DRC11: variants seen among roughly 807,000 people sequenced by gnomAD.
DRC11 encodes dynein regulatory complex subunit 11.
chr2:236,409,863 T>G, the DRC11 span, among the ~76,000 whole-genome samples: 2 of 152,236 alleles, frequency 1.3e-5, no homozygotes, highest in Non-Finnish European at 2.9e-5. Context: ...TCTATTGAGA[T>G]AATCATGTGG....
chr2:236,349,106 A>G, the DRC11 span, among the ~76,000 whole-genome samples: 4 of 152,020 alleles, frequency 2.6e-5, no homozygotes, highest in Admixed American at 6.5e-5. The surrounding 1 kb of genome is among the most constrained non-coding windows in gnomAD (Gnocchi z 5.5). Flanking sequence ...ACAACCCCAC[A>G]GTCTATTCAT....
chr2:236,413,860 G>A, the DRC11 span, among the ~76,000 whole-genome samples: 1 of 152,206 alleles, frequency 6.6e-6, no homozygotes, highest in Admixed American at 6.5e-5. This position sits in a 1 kb window ranked among gnomAD's most constrained non-coding sequence, Gnocchi z 4.0. Context: ...TGATTGCATA[G>A]TGCTCTATTA....
At chr2:236,348,060 C>T in the DRC11 span, among the ~76,000 whole-genome samples, 2 of 152,222 alleles carry the variant, frequency 1.3e-5, no homozygotes, top group East Asian at 3.9e-4. The surrounding 1 kb of genome is among the most constrained non-coding windows in gnomAD (Gnocchi z 7.4). Context: ...GGAACTCTCT[C>T]GTCTTCTCTC....
At chr2:236,473,443 A>G in the DRC11 span, among the ~76,000 whole-genome samples, 1 of 152,248 alleles carries the variant, frequency 6.6e-6, no homozygotes, top group Non-Finnish European at 1.5e-5. The surrounding 1 kb of genome is among the most constrained non-coding windows in gnomAD (Gnocchi z 4.8). Context: ...TCACGTTAGA[A>G]TGGGAAAGTG....
the DRC11 span, among the ~76,000 whole-genome samples, chr2:236,491,113 TATAC>T: frequency 8.2e-6 from 1 of 121,530 alleles, no homozygotes; most frequent in Admixed American, 8.9e-5. Context: ...TGTGTATATA[TATAC>T]AGTGTGTATA....
chr2:236,384,423 G>A, the DRC11 span, among the ~76,000 whole-genome samples: 5 of 152,266 alleles, frequency 3.3e-5, no homozygotes, highest in Admixed American at 6.5e-5. Flanking sequence ...CAGTGATGCT[G>A]AGCATTTTTT....
the DRC11 span, among the ~76,000 whole-genome samples, chr2:236,350,490 C>T: frequency 6.6e-6 from 1 of 152,256 alleles, no homozygotes; most frequent in East Asian, 1.9e-4. The surrounding 1 kb of genome is among the most constrained non-coding windows in gnomAD (Gnocchi z 5.2). Context: ...GCGTCCAGGA[C>T]ACCATTTGCA....
chr2:236,388,154 C>T, the DRC11 span, among the ~76,000 whole-genome samples: 1 of 152,004 alleles, frequency 6.6e-6, no homozygotes, highest in Non-Finnish European at 1.5e-5. Flanking sequence ...AGTTGCTCTT[C>T]TCGAGGAGTA....
the DRC11 span, among the ~76,000 whole-genome samples, chr2:236,410,684 G>A: frequency 1.3e-5 from 2 of 150,854 alleles, no homozygotes; most frequent in African/African-American, 2.5e-5. Context: ...CATGGTACTG[G>A]TACCAAAACA....
the DRC11 span, among the ~76,000 whole-genome samples, chr2:236,356,992 CTATA>C: frequency 2.3e-5 from 2 of 85,558 alleles, no homozygotes; most frequent in Admixed American, 1.3e-4. Flanking sequence ...TATTATATAT[CTATA>C]TATTTATATA....
the DRC11 span, among the ~76,000 whole-genome samples, chr2:236,341,325 C>T: frequency 6.6e-6 from 1 of 152,168 alleles, no homozygotes; most frequent in Non-Finnish European, 1.5e-5. Flanking sequence ...ACTGACTGAG[C>T]GCACTCGAGG....
the DRC11 span, chr2:236,391,914 G>A: frequency 7.1e-7 from 1 of 1,405,768 alleles, no homozygotes. This position sits in a 1 kb window ranked among gnomAD's most constrained non-coding sequence, Gnocchi z 4.5. Flanking sequence ...GCATGTCAGG[G>A]GCTGCTTTTC....
chr2:236,326,947 T>C, the DRC11 span, among the ~76,000 whole-genome samples: 1 of 152,128 alleles, frequency 6.6e-6, no homozygotes, highest in South Asian at 2.1e-4. Flanking sequence ...CTCGAACTCC[T>C]GACCTCAAGT....
the DRC11 span, among the ~76,000 whole-genome samples, chr2:236,313,562 T>C: frequency 6.6e-6 from 1 of 152,310 alleles, no homozygotes; most frequent in East Asian, 1.9e-4. This position sits in a 1 kb window ranked among gnomAD's most constrained non-coding sequence, Gnocchi z 4.5. Context: ...TGGGCCCTTA[T>C]CCCAGTTTTT....
At chr2:236,400,452 C>T in the DRC11 span, among the ~76,000 whole-genome samples, 5 of 152,348 alleles carry the variant, frequency 3.3e-5, no homozygotes, top group South Asian at 4.1e-4. The surrounding 1 kb of genome is among the most constrained non-coding windows in gnomAD (Gnocchi z 7.9). Context: ...GGTTCACCTG[C>T]GCCTAATAGT....
chr2:236,338,112 G>A, the DRC11 span: 56 of 1,281,886 alleles, frequency 4.4e-5, 1 homozygote, highest in South Asian at 3.4e-4. Context: ...CTCATCTGGC[G>A]CCCACCGGGT....
chr2:236,456,068 C>T, the DRC11 span, among the ~76,000 whole-genome samples: 26 of 152,082 alleles, frequency 1.7e-4, no homozygotes, highest in Non-Finnish European at 3.5e-4. The surrounding 1 kb of genome is among the most constrained non-coding windows in gnomAD (Gnocchi z 5.4). Context: ...AATACAAAGG[C>T]CCCAGACTCC....
chr2:236,409,417 G>T, the DRC11 span, among the ~76,000 whole-genome samples: 1 of 152,016 alleles, frequency 6.6e-6, no homozygotes, highest in Non-Finnish European at 1.5e-5. Context: ...TTTGTCTGTT[G>T]TTGGTGTATA....
chr2:236,416,708 CATATATATATATTTATATATATATATAT>C, the DRC11 span, among the ~76,000 whole-genome samples: 18 of 74,576 alleles, frequency 2.4e-4, no homozygotes, highest in East Asian at 1.2e-3. Flanking sequence ...TATTTATTTA[CATATATATATATTTATATATATATATAT>C]ATATATATAT....
Sources: gnomAD v4.1 joint callset for allele counts (sites outside exome capture counted in the v4.1 genomes callset) on GRCh38, gnomAD v4.1.1 for gene constraint, Gnocchi (gnomAD v3.1) non-coding constraint, MANE v1.5 for transcripts, NCBI Gene and HGNC (gene_info 2026-07-23, HGNC 2026-07-21) for gene names.